The following CHN2 variants were observed in gnomAD, a reference collection of about 807,000 sequenced individuals.
CHN2 encodes the protein chimerin 2.
In CHN2, 35 loss-of-function variants were observed where a neutral mutation model predicts 56.3. The ratio of observed to expected loss-of-function variants is 0.62; its 90% confidence interval spans 0.47 to 0.82. CHN2 has a LOEUF of 0.82. Among genes scored for constraint, CHN2 ranks in the 40% least tolerant of loss-of-function variants. The pLI is 0.00. For synonymous variants in CHN2, 210 were observed against 212.8 expected, an observed-to-expected ratio of 0.99 and a Z score of 0.12; for missense variants, 491 against 580.5, an observed-to-expected ratio of 0.85 and a Z score of 1.58.
At chr7:29,294,764 TC>T (rs1361800903) in intron 1 of CHN2, among the ~76,000 whole-genome samples, 7 of 152,216 alleles carry the variant, frequency 4.6e-5, no homozygotes, top group African/African-American at 1.7e-4. Flanking sequence ...CACAGCACCA[TC>T]CCCTCCCTGC....
chr7:29,446,156 T>C (rs1265714274), intron 6 of CHN2, among the ~76,000 whole-genome samples: 1 of 152,150 alleles, frequency 6.6e-6, no homozygotes, highest in Non-Finnish European at 1.5e-5. Flanking sequence ...CACCCAAGTG[T>C]TGATAAAAGA....
chr7:29,183,084 T>C (rs1287812303), intron 2 of CHN2, among the ~76,000 whole-genome samples: 41 of 50,474 alleles, frequency 8.1e-4, no homozygotes, highest in Non-Finnish European at 4.3e-4. Flanking sequence ...TGGCAGACTT[T>C]TTTTTTTTTT....
chr7:29,496,083 T>C (rs1169130370), intron 8 of CHN2, 47 bp downstream of exon 8: 1 of 1,484,260 alleles, frequency 6.7e-7, no homozygotes, highest in Non-Finnish European at 9.3e-7. Context: ...AATGCCACTG[T>C]GCTGAGCTGG....
chr7:29,411,480 G>A (rs903046934), intron 6 of CHN2, among the ~76,000 whole-genome samples: 1 of 152,150 alleles, frequency 6.6e-6, no homozygotes, highest in African/African-American at 2.4e-5. Flanking sequence ...CCACCTCAGT[G>A]TAGGAGCTTC....
At chr7:29,449,122 A>G (rs1277362939) in intron 6 of CHN2, among the ~76,000 whole-genome samples, 1 of 152,210 alleles carries the variant, frequency 6.6e-6, no homozygotes, top group Non-Finnish European at 1.5e-5. Flanking sequence ...TTTGCCGGCA[A>G]GTTAAACTTA....
At chr7:29,227,853 T>C (rs980680758) in intron 1 of CHN2, among the ~76,000 whole-genome samples, 1 of 152,142 alleles carries the variant, frequency 6.6e-6, no homozygotes, top group Non-Finnish European at 1.5e-5. Context: ...ACCCAAGTGA[T>C]ACACACCAAG....
At chr7:29,254,904 G>C (rs959401231) in intron 1 of CHN2, among the ~76,000 whole-genome samples, 1 of 152,138 alleles carries the variant, frequency 6.6e-6, no homozygotes, top group Non-Finnish European at 1.5e-5. Context: ...AAGGAGATTG[G>C]TCAGAGTGCT....
At chr7:29,348,493 C>T (rs1157882140) in intron 1 of CHN2, among the ~76,000 whole-genome samples, 1 of 152,166 alleles carries the variant, frequency 6.6e-6, no homozygotes, top group Non-Finnish European at 1.5e-5. Flanking sequence ...CTTCCCCCTC[C>T]TTCCCCATCC....
intron 2 of CHN2, among the ~76,000 whole-genome samples, chr7:29,189,531 G>A (rs1188733795): frequency 1.3e-5 from 2 of 152,150 alleles, no homozygotes; most frequent in African/African-American, 4.8e-5. Context: ...ATTTCTCTTA[G>A]GACATTGAAG....
chr7:29,462,054 T>C lies in CHN2; in HGVS notation c.577-18225T>C, dbSNP rs113325675. Among the ~76,000 whole-genome samples the C allele has an allele frequency of 2.4e-4, 36 of 152,356 alleles. 1 individual carries two copies. Among genetic ancestry groups the C allele is most frequent in the African/African-American group, 8.7e-4 (36 of 41,596 alleles). On this transcript the variant is annotated intron_variant, in intron 6 of 12. Coordinates refer to ENST00000222792, the MANE Select transcript of CHN2 (RefSeq NM_004067.4). ...TGTACTTGGAACAGTGTTTTTCTCA[T>C]AATAGAAAAAATATAGTCATTGTTT...
intron 6 of CHN2, among the ~76,000 whole-genome samples, chr7:29,476,996 T>C (rs1047239603): frequency 6.6e-6 from 1 of 152,172 alleles, no homozygotes; most frequent in Non-Finnish European, 1.5e-5. Context: ...CCCTTGTGTA[T>C]AGAGAACACT....
intron 3 of CHN2, among the ~76,000 whole-genome samples, chr7:29,392,131 G>T (rs549370021): frequency 6.6e-6 from 1 of 152,216 alleles, no homozygotes; most frequent in Non-Finnish European, 1.5e-5. Context: ...TTGGAATATC[G>T]CCTCTCAAAG....
intron 1 of CHN2, among the ~76,000 whole-genome samples, chr7:29,317,787 G>A (rs1295049104): frequency 1.3e-5 from 2 of 152,108 alleles, no homozygotes; most frequent in African/African-American, 2.4e-5. Context: ...TCAGGAATTC[G>A]AGGCCAGTCT....
At chr7:29,256,169 C>A (rs1789062092) in intron 1 of CHN2, among the ~76,000 whole-genome samples, 1 of 152,172 alleles carries the variant, frequency 6.6e-6, no homozygotes, top group South Asian at 2.1e-4. Context: ...CAGTGAGAGG[C>A]TGCCATGTCA....
chr7:29,312,247 T>G lies in CHN2; in HGVS notation c.50-42378T>G, dbSNP rs1794653606. 2.0e-5 allele frequency among the ~76,000 whole-genome samples: 3 copies of G among 152,202 alleles called. 1 individual carries two copies. The South Asian group carries it at 6.2e-4, about 31-fold the overall frequency. On this transcript the variant is annotated intron_variant, in intron 1 of 12. Coordinates refer to ENST00000222792, the MANE Select transcript of CHN2 (RefSeq NM_004067.4). ...TTATCTTTTCCACTTTTTTTCTGCTTTGCTCCACCTGTTCTCTTGAGAAAC... is the reference window on the plus strand; with the variant it reads ...TTATCTTTTCCACTTTTTTTCTGCTGTGCTCCACCTGTTCTCTTGAGAAAC...
intron 1 of CHN2, among the ~76,000 whole-genome samples, chr7:29,314,784 G>A (rs1794841168): frequency 1.3e-5 from 2 of 152,110 alleles, no homozygotes; most frequent in African/African-American, 4.8e-5. Flanking sequence ...CATTTCCACT[G>A]AAGGGTGAAT....
At chr7:29,425,511 C>T (rs969205865) in intron 6 of CHN2, among the ~76,000 whole-genome samples, 2 of 152,172 alleles carry the variant, frequency 1.3e-5, no homozygotes, top group Non-Finnish European at 2.9e-5. Flanking sequence ...AGAGACTTCT[C>T]CAAGAGTCCT....
rs563103768 is a variant in CHN2 at position 29,372,428 on chromosome 7, A to G, written c.144+4441A>G. ...TTGCCTTGTTTATTGTATCTGTGGC[A>G]CTTTATATACTCTCTGATACACTTT... On this transcript the variant is annotated intron_variant, in intron 3 of 12. Transcript: ENST00000222792. 4.2e-4 allele frequency among the ~76,000 whole-genome samples: 64 copies of G among 152,240 alleles called. No individual in the cohort carries two copies. In the South Asian group the frequency reaches 0.013, roughly 31 times the overall value.
intron 1 of CHN2, 56 bp downstream of exon 1, chr7:29,195,046 C>T (rs1554358609): frequency 1.9e-6 from 3 of 1,539,368 alleles, no homozygotes; most frequent in Non-Finnish European, 2.6e-6. Context: ...CCACTGCCCT[C>T]GCCCCGCAGC....
Sources: allele counts gnomAD v4.1 joint callset (sites outside exome capture counted in the v4.1 genomes callset), GRCh38; gene constraint gnomAD v4.1.1; transcripts MANE v1.5; gene names NCBI Gene and HGNC (gene_info 2026-07-23, HGNC 2026-07-21).